The following NCAM2 variants were observed in gnomAD, a reference collection of about 807,000 sequenced individuals.
NCAM2 encodes the protein neural cell adhesion molecule 2.
Under a neutral mutation model 98.1 loss-of-function variants are expected in NCAM2, and 30 were observed. The observed-to-expected ratio is 0.31, with a 90% CI of 0.23 to 0.41. The LOEUF (loss-of-function observed/expected upper bound fraction) is 0.41, where lower values mean the gene tolerates loss of function less well. Among genes scored for constraint, NCAM2 ranks in the 10% least tolerant of loss-of-function variants. The pLI is 1.00. For synonymous variants in NCAM2, 368 were observed against 342.4 expected (o/e 1.07, Z -0.83); for missense variants, 867 against 1,005.8 (o/e 0.86, Z 1.87).
chr21:21,422,757 A>ATAG (rs1320188487), intron 11 of NCAM2, among the ~76,000 whole-genome samples: 1 of 152,210 alleles, frequency 6.6e-6, no homozygotes, highest in Non-Finnish European at 1.5e-5. Context: ...AGACTTCACC[A>ATAG]TAAAGTTGGT....
chr21:21,286,451 T>C (rs200774134), intron 4 of NCAM2, 39 bp downstream of exon 4: 34 of 1,570,590 alleles, frequency 2.2e-5, no homozygotes, highest in Non-Finnish European at 2.7e-5. Context: ...TATGTTCTAA[T>C]ACTATTGCAG....
In NCAM2 at chr21:21,352,439, G is replaced by A. The variant is rs569872025; in HGVS notation, c.1044+13905G>A. Among the ~76,000 whole-genome samples the A allele has an allele frequency of 7.9e-5, 12 of 151,898 alleles. 1 individual carries two copies. The South Asian group carries it at 2.1e-3, about 26-fold the overall frequency. ...GCCTGGCTCCAAATTTATTTAGATC[G>A]TCTCTTATTATCATTCTTCTTGATC... On this transcript the variant is annotated intron_variant, in intron 8 of 17. Coordinates refer to ENST00000400546, the MANE Select transcript of NCAM2 (RefSeq NM_004540.5).
At chr21:21,280,524 T>TCTTAGAAATCACG in intron 1 of NCAM2, 54 bp from the exon 2 acceptor site, 1 of 1,285,504 alleles carries the variant, frequency 7.8e-7, no homozygotes, top group Non-Finnish European at 1.1e-6. Flanking sequence ...TGCATTAAAA[T>TCTTAGAAATCACG]CTTAGAAATC....
At chr21:21,067,632 A>G (rs2065468118) in intron 1 of NCAM2, among the ~76,000 whole-genome samples, 1 of 152,158 alleles carries the variant, frequency 6.6e-6, no homozygotes. Flanking sequence ...CACTGGTAAG[A>G]CCTTTGTATA....
intron 2 of NCAM2, 72 bp from the exon 3 acceptor site, chr21:21,284,122 A>C (rs1310022140): frequency 1.7e-6 from 2 of 1,162,074 alleles, no homozygotes; most frequent in Non-Finnish European, 2.5e-6. Flanking sequence ...TTATTACATA[A>C]TAGTAAATGC....
At chr21:21,499,495 C>T (rs1987481993) in intron 15 of NCAM2, among the ~76,000 whole-genome samples, 1 of 152,136 alleles carries the variant, frequency 6.6e-6, no homozygotes, top group Non-Finnish European at 1.5e-5. Flanking sequence ...CCCTCCTCAG[C>T]CTCCCAAAGT....
chr21:21,231,538 T>A (rs2070626302), intron 1 of NCAM2, among the ~76,000 whole-genome samples: 1 of 151,452 alleles, frequency 6.6e-6, no homozygotes, highest in East Asian at 1.9e-4. Flanking sequence ...ACTCTATGTA[T>A]TAAACTATGT....
In NCAM2 at chr21:21,537,982, A is replaced by G; in HGVS notation, c.*25A>G. On this transcript the variant is annotated 3_prime_UTR_variant, in exon 18 of 18. Transcript: ENST00000400546. ...ACAACAATATTACAGGGGCTTGAACAACACTACGAAGAGTATTTGGATTGC... is the reference window on the plus strand; with the variant it reads ...ACAACAATATTACAGGGGCTTGAACGACACTACGAAGAGTATTTGGATTGC... 7.5e-7 allele frequency: 1 copy of G among 1,327,746 alleles called. No individual in the cohort carries two copies. The highest frequency in any genetic ancestry group is 1.0e-6 in the Non-Finnish European group (1 of 959,428). The allele number at this position is 1,327,746 out of a possible 1,614,324, so 82.2% of individuals were successfully genotyped here. A position where few individuals can be genotyped will look rare whatever the true frequency, so the allele number is the denominator to read the frequency against.
At chr21:21,291,858 G>A (rs917734444) in intron 4 of NCAM2, among the ~76,000 whole-genome samples, 2 of 150,602 alleles carry the variant, frequency 1.3e-5, no homozygotes, top group South Asian at 4.2e-4. Flanking sequence ...CATTTTATGT[G>A]GATATAAAGT....
intron 9 of NCAM2, among the ~76,000 whole-genome samples, chr21:21,402,855 T>C (rs1186355856): frequency 6.6e-6 from 1 of 152,162 alleles, no homozygotes; most frequent in African/African-American, 2.4e-5. Context: ...TAGTTCCGTT[T>C]TTAATTTTTT....
chr21:21,348,169 A>C (rs1032341849), intron 8 of NCAM2, among the ~76,000 whole-genome samples: 3 of 152,126 alleles, frequency 2.0e-5, no homozygotes, highest in Non-Finnish European at 4.4e-5. Flanking sequence ...GAAGAAGTCA[A>C]ATTATCCTTG....
At chr21:21,142,366 T>C (rs760446125) in intron 1 of NCAM2, among the ~76,000 whole-genome samples, 1 of 75,666 alleles carries the variant, frequency 1.3e-5, no homozygotes, top group Admixed American at 1.8e-4. Context: ...TATTTGACCG[T>C]TTTTTTTTAT....
chr21:21,490,856 C>A (rs1045286121), intron 15 of NCAM2, among the ~76,000 whole-genome samples: 1 of 151,268 alleles, frequency 6.6e-6, no homozygotes, highest in Non-Finnish European at 1.5e-5. Flanking sequence ...TATTTAAAAC[C>A]CTCAACATAA....
In NCAM2 at chr21:21,542,023, T is replaced by G. The variant is rs531841898; in HGVS notation, c.*4066T>G. On this transcript the variant is annotated 3_prime_UTR_variant, in exon 18 of 18. Coordinates refer to ENST00000400546, the MANE Select transcript of NCAM2 (RefSeq NM_004540.5). ...GAAATTGCATATGGATGTATCAACA[T>G]AGGCTAAAATTAAATTATGGATGTC... 1 of 152,046 alleles carries G rather than the reference T, an allele frequency of 6.6e-6. No homozygotes were observed. The highest frequency in any genetic ancestry group is 2.1e-4 in the South Asian group (1 of 4,828). The allele number at this position is 152,046 out of a possible 1,614,324, so 9.4% of individuals were successfully genotyped here.
chr21:21,373,904 C>T lies in NCAM2; in HGVS notation c.1086C>T (p.Ser362=), dbSNP rs757831684. The T allele has an allele frequency of 6.2e-7, 1 of 1,610,250 alleles. No individual in the cohort carries two copies. The highest frequency in any genetic ancestry group is 8.5e-7 in the Non-Finnish European group (1 of 1,177,850). The part of the protein sequence containing the change: ...GRIEVKGQHG[S]SSLHIKDVKL... Reference sequence around the variant, plus strand: ...TCGAAGTCAAAGGGCAGCATGGAAGCTCATCACTGCATATTAAAGATGTGA... The same window carrying T: ...TCGAAGTCAAAGGGCAGCATGGAAGTTCATCACTGCATATTAAAGATGTGA... Residue 362 remains serine (S), a synonymous_variant, in exon 9 of 18, where the codon AGC becomes AGT. Transcript: ENST00000400546.
chr21:21,265,229 A>AT (rs2072184372), intron 1 of NCAM2, among the ~76,000 whole-genome samples: 1 of 126,738 alleles, frequency 7.9e-6, no homozygotes, highest in South Asian at 2.4e-4. Context: ...ATTATATTAT[A>AT]TATATGCATG....
At chr21:21,460,064 A>C (rs1982739465) in intron 12 of NCAM2, among the ~76,000 whole-genome samples, 1 of 151,958 alleles carries the variant, frequency 6.6e-6, no homozygotes, top group African/African-American at 2.4e-5. Context: ...CCCCTTAAAT[A>C]TATATAATTT....
At chr21:21,368,989 G>A (rs2075851712) in intron 8 of NCAM2, among the ~76,000 whole-genome samples, 1 of 151,762 alleles carries the variant, frequency 6.6e-6, no homozygotes, top group Non-Finnish European at 1.5e-5. Flanking sequence ...AAGTCACATA[G>A]CAAACAATTC....
intron 5 of NCAM2, among the ~76,000 whole-genome samples, chr21:21,321,298 G>C (rs8128837): frequency 6.6e-6 from 1 of 151,764 alleles, no homozygotes; most frequent in Non-Finnish European, 1.5e-5. Flanking sequence ...GTTCCTTATA[G>C]ATTCCGGATA....
Sources: allele counts gnomAD v4.1 joint callset (sites outside exome capture counted in the v4.1 genomes callset), GRCh38; gene constraint gnomAD v4.1.1; transcripts MANE v1.5; gene names NCBI Gene and HGNC (gene_info 2026-07-23, HGNC 2026-07-21).